Variants in RNF150 observed in about 807,000 individuals in gnomAD.
RNF150 encodes the protein ring finger protein 150.
A neutral mutation model predicts 39.3 loss-of-function variants in RNF150; 24 were observed. The observed-to-expected ratio is 0.61, with a 90% CI of 0.44 to 0.86. The LOEUF (loss-of-function observed/expected upper bound fraction) is 0.86. RNF150 is among the 40% of genes least tolerant of loss of function. RNF150 has a pLI of 0.00. For synonymous variants in RNF150, 255 were observed against 227.3 expected (o/e 1.12, Z -1.10); for missense variants, 502 against 587.8 (o/e 0.85, Z 1.51).
At chr4:140,876,911 C>T (rs1729176787) in intron 6 of RNF150, among the ~76,000 whole-genome samples, 1 of 152,190 alleles carries the variant, frequency 6.6e-6, no homozygotes, top group Non-Finnish European at 1.5e-5. Context: ...CTTTTCAATT[C>T]CTGTTCCATA....
chr4:140,890,926 C>A (rs1729733115), intron 6 of RNF150, among the ~76,000 whole-genome samples: 1 of 152,164 alleles, frequency 6.6e-6, no homozygotes, highest in African/African-American at 2.4e-5. Context: ...CAGATGCTAC[C>A]ACTTGTTTTG....
Position 140,866,968 on chromosome 4 carries a change from T to C in RNF150, c.*1293A>G, listed in dbSNP as rs932654918. 6.6e-6 allele frequency: 1 copy of C among 152,256 alleles called. No homozygotes were observed. Among genetic ancestry groups the C allele is most frequent in the African/African-American group, 2.4e-5 (1 of 41,474 alleles). The allele number at this position is 152,256 out of a possible 1,614,324, so 9.4% of individuals were successfully genotyped here. ...CCATTGGGTTTCAGTATTTACTTGA[T>C]ACCTCTTTTCCTTTCCCTCTTACTT... On this transcript the variant is annotated 3_prime_UTR_variant, in exon 7 of 7. Coordinates refer to ENST00000515673, the MANE Select transcript of RNF150 (RefSeq NM_020724.2).
chr4:140,985,420 T>C (rs1733986850), intron 1 of RNF150, among the ~76,000 whole-genome samples: 1 of 152,118 alleles, frequency 6.6e-6, no homozygotes, highest in African/African-American at 2.4e-5. Flanking sequence ...TATGAGAGAA[T>C]GATATTTTTT....
intron 1 of RNF150, among the ~76,000 whole-genome samples, chr4:141,169,185 C>T (rs903306240): frequency 5.9e-5 from 9 of 152,072 alleles, no homozygotes; most frequent in Admixed American, 4.6e-4. Flanking sequence ...TACTGTATAG[C>T]GTGTGAGTTC....
At chr4:140,905,402 A>T (rs1730335890) in intron 6 of RNF150, among the ~76,000 whole-genome samples, 1 of 152,154 alleles carries the variant, frequency 6.6e-6, no homozygotes, top group African/African-American at 2.4e-5. Flanking sequence ...ATGAATAACA[A>T]AGAAGCAAGA....
At chr4:140,948,708 G>C (rs892279820) in intron 3 of RNF150, among the ~76,000 whole-genome samples, 1 of 152,118 alleles carries the variant, frequency 6.6e-6, no homozygotes. Context: ...CCAAAGTGCT[G>C]GGATTACAGG....
intron 5 of RNF150, 21 bp downstream of exon 5, chr4:140,925,956 T>C (rs13120735): frequency 0.56 from 851,038 of 1,521,024 alleles, 243,903 homozygotes; most frequent in East Asian, 0.91. Context: ...ATTATAATGC[T>C]GTAGGCTGTG....
At chr4:140,906,072 G>A (rs1023051586) in intron 6 of RNF150, among the ~76,000 whole-genome samples, 2 of 152,120 alleles carry the variant, frequency 1.3e-5, no homozygotes, top group African/African-American at 2.4e-5. Flanking sequence ...TTTGGGGTAT[G>A]TGTTTGCAAC....
At chr4:141,000,687 G>A (rs1734632080) in intron 1 of RNF150, among the ~76,000 whole-genome samples, 1 of 152,174 alleles carries the variant, frequency 6.6e-6, no homozygotes, top group East Asian at 1.9e-4. Context: ...CACACACTTA[G>A]GTCAAAGCAG....
intron 6 of RNF150, among the ~76,000 whole-genome samples, chr4:140,887,352 G>A (rs572421352): frequency 1.7e-4 from 26 of 152,164 alleles, no homozygotes; most frequent in Non-Finnish European, 3.4e-4. Context: ...ACAATGCTAC[G>A]CAGTATGTGC....
intron 1 of RNF150, among the ~76,000 whole-genome samples, chr4:141,023,837 G>A (rs1735592732): frequency 2.0e-5 from 3 of 151,990 alleles, no homozygotes. Flanking sequence ...TCTTCTCTCT[G>A]CCAAAATGTT....
At chr4:140,925,604 C>T (rs1029429662) in intron 5 of RNF150, among the ~76,000 whole-genome samples, 1 of 152,100 alleles carries the variant, frequency 6.6e-6, no homozygotes, top group Non-Finnish European at 1.5e-5. Flanking sequence ...GCTTACGGAT[C>T]TTCCTGATGG....
chr4:141,079,489 C>A (rs961161018), intron 1 of RNF150, among the ~76,000 whole-genome samples: 2 of 152,082 alleles, frequency 1.3e-5, no homozygotes, highest in South Asian at 2.1e-4. Flanking sequence ...TGACCCTGGG[C>A]GAGTTACTTA....
At position 140,953,716 on chromosome 4, in the gene RNF150, C is replaced by T. The variant is rs1235349196; in HGVS notation, c.736-4344G>A. Among the ~76,000 whole-genome samples the T allele has an allele frequency of 2.0e-5, 3 of 151,534 alleles. No homozygotes were observed. In the East Asian group the frequency reaches 5.8e-4, roughly 29 times the overall value. ...AAAATTACACAAAGAAAAAAAGTAC[C>T]ACTTTCAATATTTAAAGAGTTTTCA... On this transcript the variant is annotated intron_variant, in intron 2 of 6. Coordinates refer to ENST00000515673, the MANE Select transcript of RNF150 (RefSeq NM_020724.2).
chr4:140,952,553 C>T (rs1029614891), intron 2 of RNF150, among the ~76,000 whole-genome samples: 2 of 152,122 alleles, frequency 1.3e-5, no homozygotes, highest in African/African-American at 4.8e-5. Context: ...AAACGCTTTC[C>T]ACGCCCTTTT....
rs560995524 is a variant in RNF150 at position 141,023,540 on chromosome 4, C to A, written c.485-55667G>T. On this transcript the variant is annotated intron_variant, in intron 1 of 6. Transcript: ENST00000515673. ...AAGTGCTGGGATTACAGGCGTGAGT[C>A]TCCGCACCTGGCTGAAATTAATTTT... Among the ~76,000 whole-genome samples, 33 of 138,034 alleles carry A rather than the reference C, an allele frequency of 2.4e-4. No individual in the cohort carries two copies. In the South Asian group the frequency reaches 7.9e-3, roughly 33 times the overall value. 90.6% of individuals were successfully genotyped at this position (138,034 alleles called of 152,430 possible). A position where few individuals can be genotyped will look rare whatever the true frequency, so the allele number is the denominator to read the frequency against.
chr4:141,062,126 T>C (rs977042250), intron 1 of RNF150, among the ~76,000 whole-genome samples: 5 of 152,090 alleles, frequency 3.3e-5, no homozygotes, highest in African/African-American at 9.6e-5. Flanking sequence ...AATAACCTTA[T>C]TAAAACTAAA....
In RNF150 at chr4:140,947,734, T is replaced by G; in HGVS notation, c.810A>C (p.Glu270Asp). 1 of 1,590,916 alleles carries G rather than the reference T, an allele frequency of 6.3e-7. No homozygotes were observed. Among genetic ancestry groups the G allele is most frequent in the Non-Finnish European group, 8.5e-7 (1 of 1,169,614 alleles). The change falls in exon 4 of 7, where the codon GAA (glutamate) becomes GAC (aspartate). Residue 270 changes from glutamate (E) to aspartate (D), a missense_variant and splice_region_variant. By Grantham distance (45) the Glu-to-Asp change is conservative (BLOSUM62 2). Transcript: ENST00000515673. The part of the protein sequence containing the change: ...QIRTIKKGDK[E>D]TESDFDNCAV... Reference sequence around the variant, plus strand: ...CACAGTTGTCAAAATCAGACTCTGTTTCCTGCAACAGAGGAAGCACAGATG... The same window carrying G: ...CACAGTTGTCAAAATCAGACTCTGTGTCCTGCAACAGAGGAAGCACAGATG...
At chr4:140,923,389 A>G (rs554165351) in intron 5 of RNF150, among the ~76,000 whole-genome samples, 7 of 152,372 alleles carry the variant, frequency 4.6e-5, no homozygotes, top group Admixed American at 3.3e-4. Context: ...ATCACTGGCC[A>G]TCAGAGAAAT....
Sources: allele counts gnomAD v4.1 joint callset (sites outside exome capture counted in the v4.1 genomes callset), GRCh38; gene constraint gnomAD v4.1.1; transcripts MANE v1.5; gene names NCBI Gene and HGNC (gene_info 2026-07-23, HGNC 2026-07-21).